Variants in EXT1 observed in about 807,000 individuals in gnomAD.
The protein encoded by EXT1 is exostosin-1.
Under a neutral mutation model 82.5 loss-of-function variants are expected in EXT1, and 20 were observed. That is an observed-to-expected ratio of 0.24 (90% CI 0.17 to 0.35). The LOEUF is 0.35. Ranked by LOEUF, EXT1 falls within the 10% of genes least tolerant of loss-of-function variation. The pLI is 1.00. For synonymous variants in EXT1, 348 were observed against 350.8 expected (o/e 0.99, Z 0.09); for missense variants, 757 against 936.5 (o/e 0.81, Z 2.50).
intron 1 of EXT1, among the ~76,000 whole-genome samples, chr8:117,886,173 T>C (rs1474503477): frequency 6.6e-6 from 1 of 152,204 alleles, no homozygotes; most frequent in African/African-American, 2.4e-5. Context: ...TAGCAGTATA[T>C]ATAAAATTGT....
chr8:117,897,654 G>A lies in EXT1; in HGVS notation c.963-60453C>T, dbSNP rs555963958. 4.2e-5 allele frequency among the ~76,000 whole-genome samples: 6 copies of A among 141,340 alleles called. No homozygotes were observed. The South Asian group carries it at 1.4e-3, about 32-fold the overall frequency. The allele number at this position is 141,340 out of a possible 152,430, so 92.7% of individuals were successfully genotyped here. A position where few individuals can be genotyped will look rare whatever the true frequency, so the allele number is the denominator to read the frequency against. ...CTGTCGACCAGGCTGGAGTCCAACGGCCCGATCTCGGTTCACTTCAACCTC... is the reference window on the plus strand; with the variant it reads ...CTGTCGACCAGGCTGGAGTCCAACGACCCGATCTCGGTTCACTTCAACCTC... On this transcript the variant is annotated intron_variant, in intron 1 of 10. Transcript: ENST00000378204.
intron 1 of EXT1, among the ~76,000 whole-genome samples, chr8:118,100,000 C>A (rs928737599): frequency 1.3e-5 from 2 of 152,184 alleles, no homozygotes; most frequent in African/African-American, 4.8e-5. Context: ...GGCAACATGA[C>A]AGGGCAGTCG....
chr8:118,022,048 T>C (rs776634787), intron 1 of EXT1, among the ~76,000 whole-genome samples: 2 of 152,166 alleles, frequency 1.3e-5, no homozygotes, highest in African/African-American at 2.4e-5. Context: ...CAACCTATTT[T>C]GGTCAATGCG....
intron 1 of EXT1, among the ~76,000 whole-genome samples, chr8:118,043,941 A>G (rs895471454): frequency 6.6e-6 from 1 of 152,224 alleles, no homozygotes; most frequent in Non-Finnish European, 1.5e-5. Context: ...GGAGCTTTCC[A>G]TGATCTCATC....
chr8:117,917,682 C>G (rs937754592), intron 1 of EXT1, among the ~76,000 whole-genome samples: 1 of 152,170 alleles, frequency 6.6e-6, no homozygotes, highest in East Asian at 1.9e-4. Flanking sequence ...TATGGTACCA[C>G]TGCCTTTTCT....
At chr8:117,943,396 T>G (rs545526303) in intron 1 of EXT1, among the ~76,000 whole-genome samples, 1 of 152,334 alleles carries the variant, frequency 6.6e-6, no homozygotes, top group South Asian at 2.1e-4. Context: ...CAATGCATAT[T>G]GCAACCAAAT....
chr8:117,869,452 T>A (rs921248319), intron 1 of EXT1, among the ~76,000 whole-genome samples: 8 of 152,268 alleles, frequency 5.3e-5, no homozygotes, highest in African/African-American at 1.9e-4. Context: ...AAGTGCATGA[T>A]GAAGTCAATT....
chr8:117,941,768 A>G (rs17504736), intron 1 of EXT1, among the ~76,000 whole-genome samples: 2,798 of 152,256 alleles, frequency 0.018, 96 homozygotes, highest in African/African-American at 0.064. Context: ...TCAAGTGACC[A>G]CTCATTTTAT....
Position 118,075,631 on chromosome 8 carries a change from A to G in EXT1, c.962+34454T>C, listed in dbSNP as rs1458857786. Among the ~76,000 whole-genome samples the G allele has an allele frequency of 3.3e-5, 5 of 152,206 alleles. No individual in the cohort carries two copies. The East Asian group carries it at 9.6e-4, about 29-fold the overall frequency. Reference sequence around the variant, plus strand: ...TTGCGTTGCTATGAAGAAATACTGGAGACTGGGTAATTTATAAAGAAAAGA... The same window carrying G: ...TTGCGTTGCTATGAAGAAATACTGGGGACTGGGTAATTTATAAAGAAAAGA... On this transcript the variant is annotated intron_variant, in intron 1 of 10. Coordinates refer to ENST00000378204, the MANE Select transcript of EXT1 (RefSeq NM_000127.3).
At chr8:117,984,472 A>C (rs1815274489) in intron 1 of EXT1, among the ~76,000 whole-genome samples, 1 of 151,656 alleles carries the variant, frequency 6.6e-6, no homozygotes, top group Non-Finnish European at 1.5e-5. Context: ...CAAAGAAAAG[A>C]AAAGAAAAGA....
intron 1 of EXT1, among the ~76,000 whole-genome samples, chr8:117,895,264 T>C (rs1813315878): frequency 6.6e-6 from 1 of 152,210 alleles, no homozygotes. Context: ...TATCAAGCGT[T>C]GTCTACGGAC....
At chr8:118,079,639 C>T (rs1586261407) in intron 1 of EXT1, among the ~76,000 whole-genome samples, 1 of 152,078 alleles carries the variant, frequency 6.6e-6, no homozygotes, top group South Asian at 2.1e-4. Context: ...GAATCCCAGC[C>T]ATTTCTTCTA....
In EXT1 at chr8:118,006,670, C is replaced by G. The variant is rs538311320; in HGVS notation, c.962+103415G>C. ...AGTGAACAACTGAGGCTGATTCCAT[C>G]TAAACTGTCTGAATCTCATTTTTAT... On this transcript the variant is annotated intron_variant, in intron 1 of 10. Transcript: ENST00000378204. 5.9e-5 allele frequency among the ~76,000 whole-genome samples: 9 copies of G among 152,306 alleles called. No homozygotes were observed. In the East Asian group the frequency reaches 1.3e-3, roughly 23 times the overall value.
chr8:118,093,971 C>T (rs1257206983), intron 1 of EXT1, among the ~76,000 whole-genome samples: 3 of 152,236 alleles, frequency 2.0e-5, no homozygotes, highest in East Asian at 1.9e-4. Context: ...TCACTGTTAT[C>T]GCGCTTCCTG....
intron 1 of EXT1, among the ~76,000 whole-genome samples, chr8:117,913,103 T>G (rs891596485): frequency 5.9e-5 from 9 of 151,944 alleles, no homozygotes; most frequent in African/African-American, 2.2e-4. Context: ...GTACCTGTAA[T>G]TTCAGCTACT....
chr8:117,900,094 G>A (rs1273214236), intron 1 of EXT1, among the ~76,000 whole-genome samples: 1 of 152,190 alleles, frequency 6.6e-6, no homozygotes, highest in Non-Finnish European at 1.5e-5. Flanking sequence ...AATCCAATGA[G>A]AAAACAGTTC....
intron 1 of EXT1, among the ~76,000 whole-genome samples, chr8:117,845,892 T>C (rs1812350913): frequency 6.6e-6 from 1 of 152,160 alleles, no homozygotes; most frequent in African/African-American, 2.4e-5. Context: ...TGACCCCAGT[T>C]TACAGATGAT....
intron 1 of EXT1, among the ~76,000 whole-genome samples, chr8:118,090,297 C>G (rs546245489): frequency 7.2e-5 from 11 of 152,074 alleles, no homozygotes; most frequent in Non-Finnish European, 8.8e-5. Context: ...TGGTGGCACA[C>G]GTCCTGCTGG....
chr8:117,939,268 G>A (rs922643341), intron 1 of EXT1, among the ~76,000 whole-genome samples: 2 of 152,146 alleles, frequency 1.3e-5, no homozygotes, highest in Non-Finnish European at 2.9e-5. Context: ...AGGTACCACT[G>A]TTGTTTCCAT....
Sources: allele counts gnomAD v4.1 joint callset (sites outside exome capture counted in the v4.1 genomes callset), GRCh38; gene constraint gnomAD v4.1.1; transcripts MANE v1.5; gene names NCBI Gene and HGNC (gene_info 2026-07-23, HGNC 2026-07-21).